WDFY3: variants seen among roughly 807,000 people sequenced by gnomAD.
The protein encoded by WDFY3 is WD repeat and FYVE domain-containing protein 3.
WDFY3 carries 66 observed loss-of-function variants against 409.6 expected under a neutral mutation model. The observed-to-expected ratio is 0.16, with a 90% CI of 0.13 to 0.20. The LOEUF (loss-of-function observed/expected upper bound fraction) is 0.20. Ranked by LOEUF, WDFY3 falls within the 10% of genes least tolerant of loss-of-function variation. The pLI, the probability that WDFY3 is intolerant of heterozygous loss-of-function variation, is 1.00. For synonymous variants in WDFY3, 1,521 were observed against 1,537.1 expected (o/e 0.99, Z 0.25); for missense variants, 3,031 against 4,298.1 (o/e 0.71, Z 8.24).
intron 32 of WDFY3, among the ~76,000 whole-genome samples, chr4:84,762,804 T>A (rs962103058): frequency 2.2e-4 from 33 of 152,142 alleles, no homozygotes; most frequent in Admixed American, 1.8e-3. Context: ...ATAGAAATTC[T>A]AAATAAAATT....
At chr4:84,955,839 TA>T (rs1301968446) in intron 1 of WDFY3, among the ~76,000 whole-genome samples, 4 of 152,206 alleles carry the variant, frequency 2.6e-5, no homozygotes, top group Non-Finnish European at 5.9e-5. Flanking sequence ...AAATTCTATT[TA>T]AAGTGTTGAA....
At chr4:84,835,953 A>C (rs1756510860) in intron 7 of WDFY3, among the ~76,000 whole-genome samples, 1 of 152,198 alleles carries the variant, frequency 6.6e-6, no homozygotes, top group South Asian at 2.1e-4. Context: ...CAGGTGCGAA[A>C]TCTGCATCTT....
intron 33 of WDFY3, among the ~76,000 whole-genome samples, chr4:84,755,719 C>G (rs1017503079): frequency 2.0e-5 from 3 of 152,022 alleles, no homozygotes; most frequent in African/African-American, 7.2e-5. Flanking sequence ...AATTATAGAA[C>G]AAATAAATTT....
chr4:84,741,889 C>T lies in WDFY3; in HGVS notation c.6106G>A (p.Gly2036Arg), dbSNP rs891982738. The T allele has an allele frequency of 3.7e-6, 6 of 1,607,082 alleles. No homozygotes were observed. The highest frequency in any genetic ancestry group is 5.1e-6 in the Non-Finnish European group (6 of 1,175,350). The change falls in exon 38 of 68, where the codon GGA becomes AGA. Residue 2036 changes from glycine (G) to arginine (R), a missense_variant. Physicochemically the swap from Gly to Arg is moderately radical, Grantham distance 125. Around this residue, in one of 16 missense-constraint regions of WDFY3, gnomAD observed 314 missense variants for 397.4 expected, o/e 0.79. Transcript: ENST00000295888. ...TTGTTCACCAATACCTGGTAGCTTC[C>T]TCCACTGGTAATAGGCAGAGATGCA... ...EDASLPITSG[G>R]SYQVLVNNVF... is the part of the protein sequence containing the mutation.
intron 44 of WDFY3, among the ~76,000 whole-genome samples, chr4:84,732,385 T>C (rs1736743155): frequency 6.6e-6 from 1 of 152,222 alleles, no homozygotes; most frequent in Non-Finnish European, 1.5e-5. Context: ...ACAATTTTTG[T>C]GCCAAGAACG....
At chr4:84,784,664 C>A (rs916242893) in intron 24 of WDFY3, among the ~76,000 whole-genome samples, 2 of 151,154 alleles carry the variant, frequency 1.3e-5, no homozygotes, top group Admixed American at 6.6e-5. Flanking sequence ...ATGGTGAAAC[C>A]CTGTCTCTAA....
intron 30 of WDFY3, among the ~76,000 whole-genome samples, chr4:84,768,135 T>C (rs141310685): frequency 2.0e-5 from 3 of 151,862 alleles, no homozygotes; most frequent in South Asian, 2.1e-4. Context: ...CCAGAAGAGG[T>C]TGGTTCATGA....
intron 25 of WDFY3, among the ~76,000 whole-genome samples, chr4:84,782,145 T>C (rs1746639238): frequency 6.6e-6 from 1 of 152,216 alleles, no homozygotes; most frequent in Admixed American, 6.5e-5. Context: ...GTCCACGCTC[T>C]AAATTTTTAT....
chr4:84,747,813 G>A (rs1420447178), intron 36 of WDFY3, among the ~76,000 whole-genome samples: 2 of 152,000 alleles, frequency 1.3e-5, no homozygotes, highest in Non-Finnish European at 2.9e-5. Flanking sequence ...TGCCATGACT[G>A]TAAGTTTCCT....
At chr4:84,674,561 C>T (rs1293691669) in intron 67 of WDFY3, among the ~76,000 whole-genome samples, 1 of 151,424 alleles carries the variant, frequency 6.6e-6, no homozygotes, top group Non-Finnish European at 1.5e-5. Flanking sequence ...TAGAGGAAGA[C>T]CCCATCTCAA....
At chr4:84,775,735 G>GAA (rs1257156481) in intron 27 of WDFY3, among the ~76,000 whole-genome samples, 2 of 151,476 alleles carry the variant, frequency 1.3e-5, no homozygotes, top group East Asian at 3.9e-4. Context: ...CAAATGTGAT[G>GAA]AAAATGACAA....
chr4:84,963,163 C>T (rs1775138038), intron 1 of WDFY3, among the ~76,000 whole-genome samples: 1 of 151,120 alleles, frequency 6.6e-6, no homozygotes, highest in Non-Finnish European at 1.5e-5. Flanking sequence ...GTGGCTCACG[C>T]CTGTAATACC....
chr4:84,744,032 C>A (rs1286922632), intron 36 of WDFY3, among the ~76,000 whole-genome samples: 2 of 148,978 alleles, frequency 1.3e-5, no homozygotes, highest in African/African-American at 2.4e-5. Context: ...CTTTTGAATC[C>A]ATTATTTAAA....
chr4:84,715,146 G>A (rs1451195587), intron 50 of WDFY3, 152 bp downstream of exon 50: 1 of 503,940 alleles, frequency 2.0e-6, no homozygotes, highest in Non-Finnish European at 3.5e-6. Flanking sequence ...AAGAATAATT[G>A]TTTCAAGAGG....
intron 3 of WDFY3, chr4:84,886,429 A>G (rs1764234195): frequency 6.6e-6 from 1 of 151,542 alleles, no homozygotes; most frequent in African/African-American, 2.4e-5. Context: ...ATCCTTGTGC[A>G]GGAGCCATGC....
Position 84,741,882 on chromosome 4 carries a change from T to C in WDFY3, c.6113A>G (p.Tyr2038Cys). ...AAACACATTGTTCACCAATACCTGGTAGCTTCCTCCACTGGTAATAGGCAG... is the reference window on the plus strand; with the variant it reads ...AAACACATTGTTCACCAATACCTGGCAGCTTCCTCCACTGGTAATAGGCAG... ...ASLPITSGGSYQVLVNNVFYF... is the reference protein window; with the variant it reads ...ASLPITSGGSCQVLVNNVFYF... Residue 2038 changes from tyrosine (Y) to cysteine (C), a missense_variant, in exon 38 of 68, where the codon TAC becomes TGC. Tyr to Cys is a radical substitution (Grantham distance 194). Around this residue, in one of 16 missense-constraint regions of WDFY3, gnomAD observed 314 missense variants for 397.4 expected, o/e 0.79. Transcript: ENST00000295888. 1 of 1,610,132 alleles carries C rather than the reference T, an allele frequency of 6.2e-7. No individual in the cohort carries two copies. Among genetic ancestry groups the C allele is most frequent in the Non-Finnish European group, 8.5e-7 (1 of 1,177,134 alleles).
intron 38 of WDFY3, among the ~76,000 whole-genome samples, chr4:84,740,914 C>G (rs1343047287): frequency 2.0e-5 from 3 of 152,154 alleles, no homozygotes; most frequent in Admixed American, 2.0e-4. Flanking sequence ...GCCTATGTAT[C>G]TGTGTAGCAT....
In WDFY3 at chr4:84,691,789, G is replaced by GA; in HGVS notation, c.9050-5dup. The GA allele has an allele frequency of 6.2e-7, 1 of 1,602,676 alleles. No individual in the cohort carries two copies. Among genetic ancestry groups the GA allele is most frequent in the South Asian group, 1.1e-5 (1 of 90,224 alleles). On this transcript the variant is annotated splice_polypyrimidine_tract_variant and splice_region_variant and intron_variant, in intron 59 of 67. Coordinates refer to ENST00000295888, the MANE Select transcript of WDFY3 (RefSeq NM_014991.6). ...TGTCCTACAGGTTCTTTGAGTTCTA[G>GA]AAAAAAGAAATCATGGTATTAGGAC...
At chr4:84,858,948 G>C (rs749756402) in intron 4 of WDFY3, among the ~76,000 whole-genome samples, 8 of 151,928 alleles carry the variant, frequency 5.3e-5, no homozygotes, top group Non-Finnish European at 1.0e-4. Flanking sequence ...TGATGGAGAA[G>C]AGAAAGAGAG....
Sources: gnomAD v4.1 joint callset for allele counts (sites outside exome capture counted in the v4.1 genomes callset) on GRCh38, gnomAD v4.1.1 for gene constraint, gnomAD v4.1.1 regional missense constraint, MANE v1.5 for transcripts, NCBI Gene and HGNC (gene_info 2026-07-23, HGNC 2026-07-21) for gene names.